The following PRKCB variants were observed in gnomAD, a reference collection of about 807,000 sequenced individuals.
The protein encoded by PRKCB is protein kinase C beta.
PRKCB carries 13 observed loss-of-function variants against 81.5 expected under a neutral mutation model. The ratio of observed to expected loss-of-function variants is 0.16; its 90% CI spans 0.10 to 0.25. The LOEUF (loss-of-function observed/expected upper bound fraction) is 0.25. Ranked by LOEUF, PRKCB falls within the 10% of genes least tolerant of loss-of-function variation. The pLI is 1.00. For synonymous variants in PRKCB, 335 were observed against 321.4 expected (o/e 1.04, Z -0.45); for missense variants, 509 against 875.7 (o/e 0.58, Z 5.29).
intron 7 of PRKCB, chr16:24,099,789 A>C (rs1442862815): frequency 6.6e-6 from 1 of 152,182 alleles, no homozygotes; most frequent in Non-Finnish European, 1.5e-5. Flanking sequence ...CCTGGCCCAC[A>C]TGGTGAAACC....
At chr16:23,983,682 C>G (rs1215092369) in intron 2 of PRKCB, among the ~76,000 whole-genome samples, 1 of 152,006 alleles carries the variant, frequency 6.6e-6, no homozygotes, top group Non-Finnish European at 1.5e-5. Context: ...TTATCCCCTT[C>G]TGTCTCCAAA....
rs796423422 is a variant in PRKCB at position 23,841,716 on chromosome 16, C to T, written c.205+4310C>T. Among the ~76,000 whole-genome samples, 7 of 124,900 alleles carry T rather than the reference C, an allele frequency of 5.6e-5. No homozygotes were observed. In the East Asian group the frequency reaches 1.1e-3, roughly 19 times the overall value. 81.9% of individuals were successfully genotyped at this position (124,900 alleles called of 152,430 possible). ...TGTCATCCAGGCTGGAGTGCAGTGACGTGATCTTAGCTCACTGCAACCTCC... is the reference window on the plus strand; with the variant it reads ...TGTCATCCAGGCTGGAGTGCAGTGATGTGATCTTAGCTCACTGCAACCTCC... On this transcript the variant is annotated intron_variant, in intron 2 of 16. Transcript: ENST00000643927.
chr16:24,084,881 T>C (rs770850601), intron 5 of PRKCB, among the ~76,000 whole-genome samples: 12 of 152,026 alleles, frequency 7.9e-5, no homozygotes, highest in Non-Finnish European at 1.2e-4. Flanking sequence ...TTTGCTGTGG[T>C]TGGAGATCAT....
At position 24,180,814 on chromosome 16, in the gene PRKCB, G is replaced by A; in HGVS notation, c.1419G>A (p.Met473Ile). The A allele has an allele frequency of 6.2e-7, 1 of 1,614,152 alleles. No individual in the cohort carries two copies. Among genetic ancestry groups the A allele is most frequent in the Non-Finnish European group, 8.5e-7 (1 of 1,180,004 alleles). Residue 473 changes from methionine to isoleucine, a missense_variant, in exon 13 of 17, where the codon ATG (methionine) becomes ATA (isoleucine). Around this residue, in one of 6 missense-constraint regions of PRKCB, gnomAD observed 106 missense variants for 214.0 expected, o/e 0.50. Transcript: ENST00000643927. ...GTGACCTAAAACTTGACAACGTGAT[G>A]CTCGATTCTGAGGGACACATCAAGA... Reference protein sequence around the residue: ...IYRDLKLDNVMLDSEGHIKIA... With the variant: ...IYRDLKLDNVILDSEGHIKIA...
chr16:24,065,348 CTAAT>C (rs1208886011), intron 5 of PRKCB, among the ~76,000 whole-genome samples: 1 of 151,572 alleles, frequency 6.6e-6, no homozygotes, highest in Non-Finnish European at 1.5e-5. Context: ...TTTCTATTAA[CTAAT>C]TAGTCATGTA....
intron 15 of PRKCB, among the ~76,000 whole-genome samples, chr16:24,190,094 A>T (rs1287287099): frequency 6.6e-6 from 1 of 152,128 alleles, no homozygotes; most frequent in Non-Finnish European, 1.5e-5. Context: ...GCACTCAGAG[A>T]CCCAAAGATG....
At chr16:23,927,101 A>C (rs577485594) in intron 2 of PRKCB, among the ~76,000 whole-genome samples, 1 of 152,180 alleles carries the variant, frequency 6.6e-6, no homozygotes, top group East Asian at 1.9e-4. Flanking sequence ...CTGTACGGTG[A>C]GATATGTGCT....
chr16:24,136,020 C>T (rs550873230), intron 9 of PRKCB, among the ~76,000 whole-genome samples: 7 of 151,936 alleles, frequency 4.6e-5, no homozygotes, highest in African/African-American at 1.2e-4. Context: ...TTGGTTCTAT[C>T]GCAATTATGT....
At chr16:24,061,420 T>C (rs1449091788) in intron 5 of PRKCB, among the ~76,000 whole-genome samples, 1 of 152,136 alleles carries the variant, frequency 6.6e-6, no homozygotes, top group African/African-American at 2.4e-5. Flanking sequence ...TGCCCTGATA[T>C]ATACAGTTTT....
chr16:23,837,243 G>C, intron 1 of PRKCB, 132 bp from the exon 2 acceptor site: 1 of 1,128,914 alleles, frequency 8.9e-7, no homozygotes, highest in Non-Finnish European at 1.3e-6. Context: ...AAGACTCTTG[G>C]GCACCCGCCT....
At position 24,032,682 on chromosome 16, in the gene PRKCB, C is replaced by T. The variant is rs535069956; in HGVS notation, c.400+435C>T. Among the ~76,000 whole-genome samples the T allele has an allele frequency of 2.6e-5, 4 of 152,246 alleles. No individual in the cohort carries two copies. The South Asian group carries it at 6.2e-4, about 24-fold the overall frequency. The stretch of plus-strand genomic sequence containing the variant: ...TCAGTGGGCTAGGCTACCTAGCCTC[C>T]GTGCATGCACGGAGGTCACAGGGTC... On this transcript the variant is annotated intron_variant, in intron 4 of 16. Transcript: ENST00000643927.
intron 5 of PRKCB, among the ~76,000 whole-genome samples, chr16:24,053,420 G>T (rs1222087022): frequency 6.6e-6 from 1 of 152,230 alleles, no homozygotes; most frequent in Non-Finnish European, 1.5e-5. Context: ...ATGGGCACGG[G>T]TGTGTGCCAA....
intron 2 of PRKCB, among the ~76,000 whole-genome samples, chr16:23,860,160 G>A (rs910363191): frequency 2.0e-5 from 3 of 152,108 alleles, no homozygotes; most frequent in African/African-American, 7.2e-5. Context: ...AATGATAATA[G>A]GACCTACCTA....
intron 5 of PRKCB, among the ~76,000 whole-genome samples, chr16:24,071,436 TAAAAA>T (rs398042091): frequency 0.037 from 2,119 of 57,250 alleles, 64 homozygotes; most frequent in African/African-American, 0.11. Flanking sequence ...AGACCCTGTC[TAAAAA>T]AAAAAAAAAA....
chr16:23,858,874 G>A (rs1417550844), intron 2 of PRKCB, among the ~76,000 whole-genome samples: 2 of 152,130 alleles, frequency 1.3e-5, no homozygotes, highest in Non-Finnish European at 2.9e-5. Flanking sequence ...ACCCTAGGAG[G>A]TTGATCTCAT....
chr16:24,058,874 C>A (rs1965938517), intron 5 of PRKCB, among the ~76,000 whole-genome samples: 1 of 125,754 alleles, frequency 8.0e-6, no homozygotes, highest in African/African-American at 3.5e-5. Context: ...CTGTAGAGAC[C>A]CATCCAGGAG....
chr16:24,170,617 T>C (rs1967427814), intron 10 of PRKCB, among the ~76,000 whole-genome samples: 1 of 152,204 alleles, frequency 6.6e-6, no homozygotes. Flanking sequence ...GAGTCACATA[T>C]TGGTGTTGCC....
intron 2 of PRKCB, among the ~76,000 whole-genome samples, chr16:23,864,720 G>T (rs958199247): frequency 2.7e-5 from 4 of 147,756 alleles, no homozygotes; most frequent in African/African-American, 9.8e-5. Flanking sequence ...GGGCCTCTGA[G>T]ATTTCTTTTT....
chr16:24,001,844 G>A lies in PRKCB; in HGVS notation c.288+13254G>A, dbSNP rs76087343. Among the ~76,000 whole-genome samples the A allele has an allele frequency of 4.4e-3, 668 of 152,166 alleles. 2 individuals are homozygous for A. The highest frequency in any genetic ancestry group is 5.8e-3 in the Non-Finnish European group (394 of 68,000). ...GCTCAAATTAGCAGTAGGAAAAGAG[G>A]GCCCATTGACTCCTGAGAAGGACAT... On this transcript the variant is annotated intron_variant, in intron 3 of 16. Coordinates refer to ENST00000643927, the MANE Select transcript of PRKCB (RefSeq NM_002738.7).
Sources: gnomAD v4.1 joint callset for allele counts (sites outside exome capture counted in the v4.1 genomes callset) on GRCh38, gnomAD v4.1.1 for gene constraint, gnomAD v4.1.1 regional missense constraint, MANE v1.5 for transcripts, NCBI Gene and HGNC (gene_info 2026-07-23, HGNC 2026-07-21) for gene names.